Variants in RIMS3 observed in about 807,000 individuals in gnomAD.
The protein encoded by RIMS3 is regulating synaptic membrane exocytosis protein 3.
RIMS3 carries 15 observed loss-of-function variants against 29.2 expected under a neutral mutation model. That is an observed-to-expected ratio of 0.51 (90% CI 0.34 to 0.79). The LOEUF (loss-of-function observed/expected upper bound fraction) is 0.79. Ranked by LOEUF, RIMS3 falls within the 30% of genes least tolerant of loss-of-function variation. The pLI, the probability that RIMS3 is intolerant of heterozygous loss-of-function variation, is 0.01. For synonymous variants in RIMS3, 161 were observed against 170.1 expected (o/e 0.95, Z 0.41); for missense variants, 342 against 421.4 (o/e 0.81, Z 1.65).
At chr1:40,663,897 C>A (rs1278050252) in intron 1 of RIMS3, among the ~76,000 whole-genome samples, 1 of 152,192 alleles carries the variant, frequency 6.6e-6, no homozygotes, top group African/African-American at 2.4e-5. Flanking sequence ...AGGCACTGTG[C>A]TGCGCAGCTC....
At chr1:40,683,609 G>A in the RIMS3 span, among the ~76,000 whole-genome samples, 2 of 138,384 alleles carry the variant, frequency 1.4e-5, no homozygotes, top group South Asian at 2.3e-4. Context: ...CCAGTCTTTG[G>A]TATTTTGTTA....
chr1:40,686,162 G>A, the RIMS3 span, among the ~76,000 whole-genome samples: 4 of 151,700 alleles, frequency 2.6e-5, no homozygotes, highest in Admixed American at 2.6e-4. Context: ...AAGAAAAAAA[G>A]TAGAGTGCCA....
At chr1:40,659,132 G>A (rs573874090) in intron 1 of RIMS3, among the ~76,000 whole-genome samples, 8 of 152,254 alleles carry the variant, frequency 5.3e-5, no homozygotes, top group Admixed American at 2.0e-4. Flanking sequence ...CAGCTGAGCC[G>A]ATTTTGAAGA....
At chr1:40,685,321 T>TA in the RIMS3 span, among the ~76,000 whole-genome samples, 1 of 18,042 alleles carries the variant, frequency 5.5e-5, no homozygotes, top group Non-Finnish European at 1.2e-4. Flanking sequence ...TATATAATTA[T>TA]TAATATATAA....
chr1:40,649,908 T>C (rs903228684), intron 1 of RIMS3, among the ~76,000 whole-genome samples: 6 of 152,140 alleles, frequency 3.9e-5, no homozygotes, highest in African/African-American at 1.4e-4. Flanking sequence ...CCAGAGAGGC[T>C]GGATACTGTG....
chr1:40,686,161 AG>A, the RIMS3 span, among the ~76,000 whole-genome samples: 6 of 152,018 alleles, frequency 3.9e-5, no homozygotes, highest in African/African-American at 1.5e-4. Context: ...AAAGAAAAAA[AG>A]TAGAGTGCCA....
chr1:40,634,978 TC>T (rs1436196786), intron 4 of RIMS3, among the ~76,000 whole-genome samples: 1 of 151,806 alleles, frequency 6.6e-6, no homozygotes, highest in Non-Finnish European at 1.5e-5. Context: ...CGATCACTGT[TC>T]CTGGTCTGAT....
At chr1:40,645,944 G>A (rs1249913571) in intron 2 of RIMS3, among the ~76,000 whole-genome samples, 1 of 152,154 alleles carries the variant, frequency 6.6e-6, no homozygotes, top group Non-Finnish European at 1.5e-5. Context: ...ACTCCCCAAG[G>A]GGCAGGAGGA....
rs1570196766 is a variant in RIMS3 at position 40,654,125 on chromosome 1, T to G, written c.-206-6283A>C. ...ACTCGCTCCCAGTCCCTCCCCCGCC[T>G]GCCCTCCCATCTCCTCCCCTCCCCT... is the stretch of plus-strand genomic sequence containing the variant. On this transcript the variant is annotated intron_variant, in intron 1 of 7. Transcript: ENST00000372684. This position sits in a 1 kb window ranked among gnomAD's most constrained non-coding sequence, Gnocchi z 5.3. 8.6e-6 allele frequency among the ~76,000 whole-genome samples: 1 copy of G among 116,684 alleles called. No individual in the cohort carries two copies. The highest frequency in any genetic ancestry group is 1.8e-5 in the Non-Finnish European group (1 of 54,536). The allele number at this position is 116,684 out of a possible 152,430, so 76.5% of individuals were successfully genotyped here.
At chr1:40,645,162 G>T (rs539284608) in intron 2 of RIMS3, among the ~76,000 whole-genome samples, 52 of 152,298 alleles carry the variant, frequency 3.4e-4, no homozygotes, top group Non-Finnish European at 5.9e-4. Context: ...AAGTCCCCCT[G>T]GACTGGGGCC....
At chr1:40,657,746 C>CAAAAA in intron 1 of RIMS3, among the ~76,000 whole-genome samples, 1 of 88,124 alleles carries the variant, frequency 1.1e-5, no homozygotes, top group Non-Finnish European at 2.2e-5. Flanking sequence ...GACAATGTCT[C>CAAAAA]AAAAAAAAAA....
At chr1:40,683,161 T>A in the RIMS3 span, among the ~76,000 whole-genome samples, 1 of 152,210 alleles carries the variant, frequency 6.6e-6, no homozygotes, top group Admixed American at 6.5e-5. Flanking sequence ...TCAAAGCACA[T>A]GCTGCAGACA....
the RIMS3 span, among the ~76,000 whole-genome samples, chr1:40,680,240 A>T: frequency 6.6e-6 from 1 of 152,138 alleles, no homozygotes; most frequent in Non-Finnish European, 1.5e-5. Context: ...CATCATGGAA[A>T]ACTCTGGAAG....
upstream of RIMS3, among the ~76,000 whole-genome samples, chr1:40,668,807 A>G (rs74871822): frequency 2.8e-3 from 419 of 152,214 alleles, 1 homozygote; most frequent in African/African-American, 9.6e-3. Flanking sequence ...GAGGGGATAT[A>G]TCCTGGTTGC....
chr1:40,685,599 A>C, the RIMS3 span, among the ~76,000 whole-genome samples: 2 of 151,776 alleles, frequency 1.3e-5, no homozygotes, highest in African/African-American at 4.8e-5. Flanking sequence ...TATCCCAGGA[A>C]CAGTCCTGTC....
In RIMS3 at chr1:40,636,856, C is replaced by T. The variant is rs1340845637; in HGVS notation, c.218-799G>A. Among the ~76,000 whole-genome samples the T allele has an allele frequency of 6.6e-6, 1 of 152,220 alleles. No homozygotes were observed. Among genetic ancestry groups the T allele is most frequent in the Non-Finnish European group, 1.5e-5 (1 of 68,038 alleles). On this transcript the variant is annotated intron_variant, in intron 3 of 7. Transcript: ENST00000372684. This position sits in a 1 kb window ranked among gnomAD's most constrained non-coding sequence, Gnocchi z 4.2. Reference sequence around the variant, plus strand: ...GGGAACATGGGACACTTTCCCTCTCCCAGCAGCACACCATCCTGCCTGGGT... The same window carrying T: ...GGGAACATGGGACACTTTCCCTCTCTCAGCAGCACACCATCCTGCCTGGGT...
At chr1:40,634,222 C>A (rs1272590114) in intron 4 of RIMS3, among the ~76,000 whole-genome samples, 1 of 152,092 alleles carries the variant, frequency 6.6e-6, no homozygotes, top group Non-Finnish European at 1.5e-5. Flanking sequence ...GATAGTTTGG[C>A]CTTGAGTCCC....
intron 2 of RIMS3, among the ~76,000 whole-genome samples, chr1:40,646,755 C>T (rs1646598561): frequency 6.6e-6 from 1 of 152,158 alleles, no homozygotes; most frequent in Admixed American, 6.5e-5. Context: ...GGCCTCTACC[C>T]TGGGGTCTCA....
the RIMS3 span, among the ~76,000 whole-genome samples, chr1:40,676,463 A>G: frequency 6.6e-6 from 1 of 152,210 alleles, no homozygotes; most frequent in African/African-American, 2.4e-5. Flanking sequence ...AGACCCGCTG[A>G]TACAATTCGA....
Sources: gnomAD v4.1 joint callset for allele counts (sites outside exome capture counted in the v4.1 genomes callset) on GRCh38, gnomAD v4.1.1 for gene constraint, Gnocchi (gnomAD v3.1) non-coding constraint, MANE v1.5 for transcripts, NCBI Gene and HGNC (gene_info 2026-07-23, HGNC 2026-07-21) for gene names.